Variants in ALK observed in about 807,000 individuals in gnomAD.
ALK encodes ALK tyrosine kinase receptor.
Under a neutral mutation model 163.1 loss-of-function variants are expected in ALK, and 74 were observed. The observed-to-expected ratio is 0.45, with a 90% CI of 0.38 to 0.55. ALK has a LOEUF of 0.55. Among genes scored for constraint, ALK ranks in the 20% least tolerant of loss-of-function variants. The pLI is 0.00. For synonymous variants in ALK, 960 were observed against 843.2 expected, an observed-to-expected ratio of 1.14 and a Z score of -2.40; for missense variants, 2,063 against 2,105.3, an observed-to-expected ratio of 0.98 and a Z score of 0.39.
intron 3 of ALK, among the ~76,000 whole-genome samples, chr2:29,542,186 C>G (rs892648878): frequency 6.6e-6 from 1 of 152,102 alleles, no homozygotes; most frequent in Non-Finnish European, 1.5e-5. Flanking sequence ...CCCTCGGTCC[C>G]CACAGAATCA....
chr2:29,302,895 T>C (rs1236043127), intron 8 of ALK, among the ~76,000 whole-genome samples: 4 of 152,190 alleles, frequency 2.6e-5, no homozygotes, highest in African/African-American at 9.6e-5. Flanking sequence ...AAGACTGAAA[T>C]GTAAGACATC....
intron 5 of ALK, among the ~76,000 whole-genome samples, chr2:29,344,869 A>C (rs1193358268): frequency 4.6e-5 from 7 of 152,192 alleles, no homozygotes; most frequent in Non-Finnish European, 1.0e-4. Context: ...AAGAATTCTA[A>C]ACAAAAGAGA....
chr2:29,418,899 A>T (rs1270532051), intron 4 of ALK, among the ~76,000 whole-genome samples: 1 of 147,744 alleles, frequency 6.8e-6, no homozygotes, highest in African/African-American at 2.7e-5. Context: ...ATATTCATTC[A>T]TCATTGAAAA....
chr2:29,278,002 TAGA>T (rs1021390388), intron 9 of ALK, among the ~76,000 whole-genome samples: 119 of 152,160 alleles, frequency 7.8e-4, no homozygotes, highest in Non-Finnish European at 1.6e-3. Context: ...TGGAATAAAG[TAGA>T]AGGAGGTCAA....
At chr2:29,639,784 CA>C (rs1676647240) in intron 3 of ALK, among the ~76,000 whole-genome samples, 1 of 152,178 alleles carries the variant, frequency 6.6e-6, no homozygotes, top group African/African-American at 2.4e-5. Flanking sequence ...TTTAAATCTA[CA>C]AGAGACATTT....
At chr2:29,216,549 C>T (rs946596671) in intron 23 of ALK, among the ~76,000 whole-genome samples, 4 of 152,040 alleles carry the variant, frequency 2.6e-5, no homozygotes, top group African/African-American at 9.7e-5. Flanking sequence ...AACTGCTCCA[C>T]TAATCAGTGT....
At chr2:29,207,454 T>C (rs1319295505) in intron 25 of ALK, among the ~76,000 whole-genome samples, 182 bp from the exon 26 acceptor site, 1 of 152,214 alleles carries the variant, frequency 6.6e-6, no homozygotes, top group African/African-American at 2.4e-5. Context: ...TTAAGAACTT[T>C]GGTGTCATTT....
intron 3 of ALK, among the ~76,000 whole-genome samples, chr2:29,534,742 A>T (rs895554731): frequency 6.6e-6 from 1 of 152,234 alleles, no homozygotes; most frequent in African/African-American, 2.4e-5. Context: ...GTATTGGACT[A>T]GGGGCTCTTT....
intron 6 of ALK, among the ~76,000 whole-genome samples, chr2:29,327,171 A>G (rs1348386972): frequency 6.6e-6 from 1 of 152,206 alleles, no homozygotes; most frequent in Non-Finnish European, 1.5e-5. Flanking sequence ...CAAGTGCAGG[A>G]GCACCAGCTG....
At chr2:29,909,480 C>CAGACAG (rs1553378791) in intron 1 of ALK, among the ~76,000 whole-genome samples, 383 of 135,976 alleles carry the variant, frequency 2.8e-3, no homozygotes, top group Non-Finnish European at 4.7e-3. Context: ...GACAGACAGA[C>CAGACAG]AGAGAGAGAG....
chr2:29,582,105 C>T (rs184281131), intron 3 of ALK, among the ~76,000 whole-genome samples: 82 of 152,312 alleles, frequency 5.4e-4, no homozygotes, highest in Non-Finnish European at 8.1e-4. Flanking sequence ...CACTTAAGCC[C>T]TGACCTTGAG....
At chr2:29,852,959 A>G (rs1214285348) in intron 1 of ALK, among the ~76,000 whole-genome samples, 1 of 152,016 alleles carries the variant, frequency 6.6e-6, no homozygotes, top group East Asian at 1.9e-4. Context: ...ATCAGTCAAC[A>G]CCTTGGTTTT....
chr2:29,511,545 G>A (rs1042453950), intron 4 of ALK, among the ~76,000 whole-genome samples: 1 of 152,096 alleles, frequency 6.6e-6, no homozygotes, highest in African/African-American at 2.4e-5. Context: ...TTCACCTGTT[G>A]ATACACATTT....
At chr2:29,571,572 C>T (rs142807452) in intron 3 of ALK, among the ~76,000 whole-genome samples, 1 of 139,728 alleles carries the variant, frequency 7.2e-6, no homozygotes, top group East Asian at 2.1e-4. Flanking sequence ...AACCTCTTTC[C>T]TTTATAAATT....
intron 4 of ALK, among the ~76,000 whole-genome samples, chr2:29,472,000 C>T (rs1362127512): frequency 6.6e-6 from 1 of 152,188 alleles, no homozygotes; most frequent in East Asian, 1.9e-4. Flanking sequence ...ACCGTGGCCT[C>T]CCAAAGTGCT....
rs561278614 is a variant in ALK at position 29,920,558 on chromosome 2, C to T, written c.102G>A (p.Ala34=). 4.4e-6 allele frequency: 7 copies of T among 1,601,372 alleles called. No individual in the cohort carries two copies. The highest frequency in any genetic ancestry group is 2.7e-5 in the African/African-American group (2 of 74,904). The change falls in exon 1 of 29, where the codon GCG becomes GCA. Residue 34 remains alanine, a synonymous_variant. Transcript: ENST00000389048. Reference sequence around the variant, plus strand: ...GCTCCCGGGGCTGCAGCGGCGGCCCCGCAGCTGGGGAGCCCGCGCGCTGGC... The same window carrying T: ...GCTCCCGGGGCTGCAGCGGCGGCCCTGCAGCTGGGGAGCCCGCGCGCTGGC... ...GTGQRAGSPA[A]GPPLQPREPL...
intron 11 of ALK, among the ~76,000 whole-genome samples, chr2:29,271,820 T>C (rs58058781): frequency 0.052 from 7,971 of 152,312 alleles, 247 homozygotes; most frequent in Middle Eastern, 0.078. Context: ...ATGGCAGACC[T>C]ACCTCTCACC....
intron 27 of ALK, 117 bp from the exon 28 acceptor site, chr2:29,196,977 G>C (rs558201801): frequency 9.7e-5 from 79 of 816,068 alleles, no homozygotes; most frequent in Non-Finnish European, 1.5e-4. Context: ...TCTAGGCCCC[G>C]TGTACTTGGC....
chr2:29,818,319 C>G (rs1664953084), intron 1 of ALK, among the ~76,000 whole-genome samples: 1 of 152,186 alleles, frequency 6.6e-6, no homozygotes, highest in Non-Finnish European at 1.5e-5. Context: ...TTTCCCTTTT[C>G]CCTGGCCTAT....
Sources: gnomAD v4.1 joint callset for allele counts (sites outside exome capture counted in the v4.1 genomes callset) on GRCh38, gnomAD v4.1.1 for gene constraint, MANE v1.5 for transcripts, NCBI Gene and HGNC (gene_info 2026-07-23, HGNC 2026-07-21) for gene names.